USP42: variants seen among roughly 807,000 people sequenced by gnomAD.
USP42 encodes the protein ubiquitin carboxyl-terminal hydrolase 42.
USP42 carries 23 observed loss-of-function variants against 113.0 expected under a neutral mutation model. The observed-to-expected ratio is 0.20, with a 90% CI of 0.15 to 0.29. The LOEUF (loss-of-function observed/expected upper bound fraction) is 0.29, where lower values mean the gene tolerates loss of function less well. USP42 is among the 10% of genes least tolerant of loss of function. The probability of loss-of-function intolerance (pLI) is 1.00; values close to 1 mark genes in which losing one functional copy is unlikely to be tolerated. For missense variants in USP42, 2,174 were observed against 1,779.8 expected (o/e 1.22, Z -3.99); for synonymous variants, 933 against 699.0 (o/e 1.33, Z -5.28).
rs191896188 is a variant in USP42, at chr7:6,109,373, A to G, written c.-9-1752A>G. Among the ~76,000 whole-genome samples the G allele has an allele frequency of 9.0e-4, 137 of 152,158 alleles. 1 individual carries two copies. The highest frequency in any genetic ancestry group is 3.3e-3 in the African/African-American group (135 of 41,516). ...CTGTGGGCAGTTGGGCCACTCCTGA[A>G]AGGTGTTCTTTCTTCCTTTCCTTTT... On this transcript the variant is annotated intron_variant, in intron 1 of 17. Coordinates refer to ENST00000306177, the MANE Select transcript of USP42 (RefSeq NM_032172.3).
At position 6,139,228 on chromosome 7, in the gene USP42, T is replaced by G. The variant is rs760110571; in HGVS notation, c.656+34T>G. On this transcript the variant is annotated intron_variant, in intron 5 of 17. Coordinates refer to ENST00000306177, the MANE Select transcript of USP42 (RefSeq NM_032172.3). The surrounding 1 kb of genome is among the most constrained non-coding windows in gnomAD (Gnocchi z 4.5). ...AACAGAGCGCCAGCCATGTCTTCAT[T>G]GGGGATCTCTGGTTGTAGTTTATTC... is the stretch of plus-strand genomic sequence containing the variant. 1 of 1,450,538 alleles carries G rather than the reference T, an allele frequency of 6.9e-7. No individual in the cohort carries two copies. The highest frequency in any genetic ancestry group is 2.4e-5 in the East Asian group (1 of 42,178). The allele number at this position is 1,450,538 out of a possible 1,614,324, so 89.9% of individuals were successfully genotyped here. A position where few individuals can be genotyped will look rare whatever the true frequency, so the allele number is the denominator to read the frequency against.
chr7:6,154,874 GGGA>G lies in USP42; in HGVS notation c.3322_3324del (p.Glu1108del). On this transcript the variant is annotated inframe_deletion, in exon 15 of 18. Coordinates refer to ENST00000306177, the MANE Select transcript of USP42 (RefSeq NM_032172.3). ...GGCCGTAGGGGCTGCGAGCCGGCCCGGGAGAGGGAGCGGCACCGCCCCAGCAGC... is the reference window on the plus strand; with the variant it reads ...GGCCGTAGGGGCTGCGAGCCGGCCCGGAGGGAGCGGCACCGCCCCAGCAGC... 1 of 1,528,168 alleles carries G rather than the reference GGGA, an allele frequency of 6.5e-7. No individual in the cohort carries two copies. Among genetic ancestry groups the G allele is most frequent in the Non-Finnish European group, 8.8e-7 (1 of 1,136,178 alleles). 94.7% of individuals were successfully genotyped at this position (1,528,168 alleles called of 1,614,324 possible).
At chr7:6,089,767 G>A in the USP42 span, among the ~76,000 whole-genome samples, 1 of 150,268 alleles carries the variant, frequency 6.7e-6, no homozygotes, top group Non-Finnish European at 1.5e-5. Flanking sequence ...TCCTGACCTC[G>A]TGATCTGCCC....
the USP42 span, chr7:6,092,959 T>A: frequency 1.3e-5 from 2 of 150,884 alleles, 1 homozygote; most frequent in African/African-American, 5.0e-5. Context: ...TGAAGTAAGG[T>A]TCAGAGAACT....
At chr7:6,153,620 ACTT>A in intron 14 of USP42, 133 bp from the exon 15 acceptor site, 1 of 1,164,306 alleles carries the variant, frequency 8.6e-7, no homozygotes, top group Non-Finnish European at 1.1e-6. Flanking sequence ...GTAGCCTGAA[ACTT>A]AAAGTATAAT....
rs185050936 is a variant in USP42 at position 6,144,680 on chromosome 7, G to A, written c.990+484G>A. On this transcript the variant is annotated intron_variant, in intron 9 of 17. Transcript: ENST00000306177. ...AAGCCGGGAGTTTGAGACCACTCTG[G>A]CGAACGTGGCAAAGCCCTGTTTCTA... 2.7e-3 allele frequency among the ~76,000 whole-genome samples: 405 copies of A among 152,258 alleles called. 2 individuals are homozygous for A. Among genetic ancestry groups the A allele is most frequent in the African/African-American group, 9.5e-3 (395 of 41,524 alleles).
chr7:6,094,293 C>T, the USP42 span, among the ~76,000 whole-genome samples: 11 of 151,334 alleles, frequency 7.3e-5, no homozygotes, highest in Middle Eastern at 3.4e-3. Flanking sequence ...CCCACCTCAG[C>T]CTCCTTAGTA....
intron 3 of USP42, among the ~76,000 whole-genome samples, chr7:6,134,473 A>G (rs1781021131): frequency 6.6e-6 from 1 of 152,154 alleles, no homozygotes; most frequent in African/African-American, 2.4e-5. Flanking sequence ...GACAGAGTTA[A>G]TTGGGAATAG....
At chr7:6,128,114 A>T (rs1780641086) in intron 3 of USP42, 1 of 151,786 alleles carries the variant, frequency 6.6e-6, no homozygotes, top group Non-Finnish European at 1.5e-5. Flanking sequence ...TGACCAGCTA[A>T]TTTTTTTATT....
At chr7:6,145,834 CTG>C (rs1010969475) in intron 10 of USP42, among the ~76,000 whole-genome samples, 178 bp downstream of exon 10, 1 of 152,208 alleles carries the variant, frequency 6.6e-6, no homozygotes, top group African/African-American at 2.4e-5. Context: ...CTTTGGGAGA[CTG>C]AGGCTGGGGG....
chr7:6,109,298 G>T (rs1323243379), intron 1 of USP42, among the ~76,000 whole-genome samples: 1 of 152,146 alleles, frequency 6.6e-6, no homozygotes, highest in Non-Finnish European at 1.5e-5. Flanking sequence ...AGGGTGTTTG[G>T]CGAGGTTATT....
At chr7:6,094,848 C>G in the USP42 span, among the ~76,000 whole-genome samples, 1 of 148,928 alleles carries the variant, frequency 6.7e-6, no homozygotes, top group Non-Finnish European at 1.5e-5. Context: ...AGTACAGTGA[C>G]GCAATCTCGG....
intron 3 of USP42, among the ~76,000 whole-genome samples, chr7:6,116,034 G>T (rs1460114744): frequency 1.3e-5 from 2 of 150,412 alleles, no homozygotes; most frequent in African/African-American, 2.4e-5. Context: ...AGTCTGGAAG[G>T]TTGAGACTGC....
In USP42 at chr7:6,140,214, G is replaced by A; in HGVS notation, c.724+19G>A. The A allele has an allele frequency of 1.2e-6, 2 of 1,603,974 alleles. No homozygotes were observed. Among genetic ancestry groups the A allele is most frequent in the Non-Finnish European group, 1.7e-6 (2 of 1,171,028 alleles). ...TCTAGAGGTAAGCTTTTGCTTATAA[G>A]TTGATAAAATGATACACACATGTGG... On this transcript the variant is annotated intron_variant, in intron 6 of 17. Coordinates refer to ENST00000306177, the MANE Select transcript of USP42 (RefSeq NM_032172.3).
At position 6,154,753 on chromosome 7, in the gene USP42, G is replaced by A. The variant is rs1414414647; in HGVS notation, c.3199G>A (p.Ala1067Thr). Residue 1067 changes from alanine to threonine, a missense_variant, in exon 15 of 18, where the codon GCC becomes ACC. Physicochemically the swap from Ala to Thr is moderately conservative, Grantham distance 58. Coordinates refer to ENST00000306177, the MANE Select transcript of USP42 (RefSeq NM_032172.3). Reference sequence around the variant, plus strand: ...GTGCCGGTACTACCATGACAGGTACGCCCTGTACGCTGCCCGGGACTGGAA... The same window carrying A: ...GTGCCGGTACTACCATGACAGGTACACCCTGTACGCTGCCCGGGACTGGAA... ...DRCRYYHDRY[A>T]LYAARDWKPF... 2.6e-6 allele frequency: 4 copies of A among 1,563,836 alleles called. No homozygotes were observed. Among genetic ancestry groups the A allele is most frequent in the Non-Finnish European group, 3.5e-6 (4 of 1,155,930 alleles).
At chr7:6,122,838 A>C (rs959125294) in intron 3 of USP42, among the ~76,000 whole-genome samples, 1 of 151,508 alleles carries the variant, frequency 6.6e-6, no homozygotes, top group African/African-American at 2.4e-5. Flanking sequence ...TCCTGGCTTC[A>C]AGACAGTTGT....
chr7:6,085,813 C>G, the USP42 span, among the ~76,000 whole-genome samples: 1 of 150,308 alleles, frequency 6.7e-6, no homozygotes, highest in Admixed American at 6.6e-5. Context: ...CGGGATCTCA[C>G]CATGTTGGCC....
chr7:6,157,128 CAT>C lies in USP42; in HGVS notation c.3943+74_3943+75del, dbSNP rs1782499834. ...ACATTTTCTTTGCAAAGGTGATTAA[CAT>C]GTAGAAAGAAAACCTCAGGTGGCAT... On this transcript the variant is annotated intron_variant, in intron 16 of 17. Transcript: ENST00000306177. This position sits in a 1 kb window ranked among gnomAD's most constrained non-coding sequence, Gnocchi z 4.1. 2.1e-6 allele frequency: 3 copies of C among 1,457,244 alleles called. No homozygotes were observed. The highest frequency in any genetic ancestry group is 2.7e-6 in the Non-Finnish European group (3 of 1,110,546). The allele number at this position is 1,457,244 out of a possible 1,614,324, so 90.3% of individuals were successfully genotyped here.
At position 6,147,809 on chromosome 7, in the gene USP42, C is replaced by T. The variant is rs550997416; in HGVS notation, c.1303C>T (p.Pro435Ser). ...THSPGQSSPR[P>S]VISQRVVTNK... ...TAGCCCCGGCCAGTCCTCTCCCCGCCCCGTCATCAGTCAGCGGGTTGTCAC... is the reference window on the plus strand; with the variant it reads ...TAGCCCCGGCCAGTCCTCTCCCCGCTCCGTCATCAGTCAGCGGGTTGTCAC... Residue 435 changes from proline to serine, a missense_variant, in exon 12 of 18, where the codon CCC becomes TCC. Transcript: ENST00000306177. 2 of 1,613,700 alleles carry T rather than the reference C, an allele frequency of 1.2e-6. No individual in the cohort carries two copies. Among genetic ancestry groups the T allele is most frequent in the East Asian group, 2.2e-5 (1 of 44,874 alleles).
Sources: gnomAD v4.1 joint callset for allele counts (sites outside exome capture counted in the v4.1 genomes callset) on GRCh38, gnomAD v4.1.1 for gene constraint, Gnocchi (gnomAD v3.1) non-coding constraint, MANE v1.5 for transcripts, NCBI Gene and HGNC (gene_info 2026-07-23, HGNC 2026-07-21) for gene names.